Variants in KCNIP4 observed in about 807,000 individuals in gnomAD.
The protein encoded by KCNIP4 is Kv channel-interacting protein 4.
Under a neutral mutation model 34.0 loss-of-function variants are expected in KCNIP4, and 12 were observed. That is an observed-to-expected ratio of 0.35 (90% CI 0.23 to 0.57). The LOEUF (loss-of-function observed/expected upper bound fraction) is 0.57. KCNIP4 is among the 20% of genes least tolerant of loss of function. The pLI is 0.83. For missense variants in KCNIP4, 238 were observed against 311.7 expected, an observed-to-expected ratio of 0.76 and a Z score of 1.78; for synonymous variants, 124 against 102.2, an observed-to-expected ratio of 1.21 and a Z score of -1.29.
At chr4:20,738,320 G>T (rs1056928720) in intron 5 of KCNIP4, among the ~76,000 whole-genome samples, 2 of 152,150 alleles carry the variant, frequency 1.3e-5, no homozygotes, top group African/African-American at 4.8e-5. Context: ...AGGGGAGCTG[G>T]CCACAGGGTC....
intron 3 of KCNIP4, among the ~76,000 whole-genome samples, chr4:20,783,767 A>G (rs965129287): frequency 9.9e-5 from 15 of 152,218 alleles, no homozygotes; most frequent in Non-Finnish European, 1.9e-4. Context: ...AAGGATAAAC[A>G]GGGAATATAA....
chr4:20,797,938 T>G (rs1442176630), intron 3 of KCNIP4, among the ~76,000 whole-genome samples: 3 of 152,004 alleles, frequency 2.0e-5, no homozygotes, highest in Non-Finnish European at 4.4e-5. Flanking sequence ...GTGCTGGACT[T>G]GACCTACACA....
intron 3 of KCNIP4, among the ~76,000 whole-genome samples, chr4:20,760,680 C>T (rs1387599469): frequency 1.3e-5 from 2 of 152,102 alleles, no homozygotes; most frequent in African/African-American, 4.8e-5. Flanking sequence ...TGCTGAGTGG[C>T]AAAGCACTTT....
intron 3 of KCNIP4, among the ~76,000 whole-genome samples, chr4:20,819,762 C>T (rs1462433279): frequency 1.3e-5 from 2 of 152,188 alleles, no homozygotes; most frequent in Non-Finnish European, 2.9e-5. Context: ...CTAGGACCTT[C>T]AGCTCTTCCA....
chr4:21,179,442 T>A (rs1754681049), intron 1 of KCNIP4, among the ~76,000 whole-genome samples: 1 of 152,206 alleles, frequency 6.6e-6, no homozygotes, highest in Admixed American at 6.5e-5. Context: ...GGAAATATAG[T>A]AGGAAGCATT....
chr4:21,484,365 T>G (rs1390990070), intron 1 of KCNIP4, among the ~76,000 whole-genome samples: 1 of 151,996 alleles, frequency 6.6e-6, no homozygotes, highest in East Asian at 1.9e-4. Context: ...AGGTGGAGGT[T>G]GCAGTGAGGC....
At chr4:20,948,452 C>T (rs1732428714) in intron 1 of KCNIP4, among the ~76,000 whole-genome samples, 2 of 152,206 alleles carry the variant, frequency 1.3e-5, no homozygotes, top group Admixed American at 1.3e-4. Flanking sequence ...TTCCAGCCAG[C>T]TTTGAGGGGG....
chr4:21,506,452 G>A (rs1733853385), intron 1 of KCNIP4, among the ~76,000 whole-genome samples: 1 of 152,176 alleles, frequency 6.6e-6, no homozygotes, highest in Non-Finnish European at 1.5e-5. Flanking sequence ...ATGGCACCTA[G>A]TGGATTCTCA....
intron 1 of KCNIP4, among the ~76,000 whole-genome samples, chr4:20,961,441 G>C (rs1265725405): frequency 6.6e-6 from 1 of 152,070 alleles, no homozygotes; most frequent in Non-Finnish European, 1.5e-5. Flanking sequence ...CTGATCTCTT[G>C]CGAAGAATGA....
intron 1 of KCNIP4, among the ~76,000 whole-genome samples, chr4:20,973,751 T>C (rs908919041): frequency 6.6e-5 from 10 of 152,144 alleles, no homozygotes; most frequent in African/African-American, 2.4e-4. Flanking sequence ...AATTTCATTA[T>C]TGTTGTGTTT....
At chr4:21,279,102 T>C (rs1279927047) in intron 1 of KCNIP4, among the ~76,000 whole-genome samples, 4 of 152,158 alleles carry the variant, frequency 2.6e-5, no homozygotes, top group South Asian at 2.1e-4. Context: ...ACAGATGTAT[T>C]ATGAAAGCTT....
At chr4:21,366,665 A>G (rs1719796913) in intron 1 of KCNIP4, among the ~76,000 whole-genome samples, 1 of 152,156 alleles carries the variant, frequency 6.6e-6, no homozygotes, top group African/African-American at 2.4e-5. Flanking sequence ...TAGCTGTAAG[A>G]CTAGGGATGA....
At chr4:21,271,727 T>C (rs1054424153) in intron 1 of KCNIP4, among the ~76,000 whole-genome samples, 29 of 152,026 alleles carry the variant, frequency 1.9e-4, no homozygotes, top group African/African-American at 5.8e-4. Context: ...CTTCCGTAAA[T>C]AATGCAGTGT....
intron 1 of KCNIP4, among the ~76,000 whole-genome samples, chr4:20,984,694 T>G (rs1736417921): frequency 6.6e-6 from 1 of 152,178 alleles, no homozygotes; most frequent in Admixed American, 6.5e-5. Flanking sequence ...ATTTAGTCCT[T>G]ATATTATATT....
At chr4:21,291,866 AAAAAGAAAGAAAGAAAGAAAG>A (rs1333835573) in intron 1 of KCNIP4, among the ~76,000 whole-genome samples, 1,565 of 61,908 alleles carry the variant, frequency 0.025, 121 homozygotes, top group South Asian at 0.036. Context: ...AAAAAAAAAA[AAAAAGAAAGAAAGAAAGAAAG>A]AAAGAAAGAA....
chr4:21,296,305 G>A (rs1280129075), intron 1 of KCNIP4, among the ~76,000 whole-genome samples: 1 of 151,762 alleles, frequency 6.6e-6, no homozygotes, highest in East Asian at 1.9e-4. Context: ...AGCAGTGTTT[G>A]GTTTTGAGTG....
intron 1 of KCNIP4, among the ~76,000 whole-genome samples, chr4:20,995,394 ACT>A (rs931203919): frequency 5.9e-4 from 90 of 152,250 alleles, no homozygotes; most frequent in African/African-American, 2.1e-3. Context: ...CAAAGCAAAC[ACT>A]CTGTTTCTAA....
At chr4:21,360,105 T>C (rs1275844747) in intron 1 of KCNIP4, among the ~76,000 whole-genome samples, 1 of 152,098 alleles carries the variant, frequency 6.6e-6, no homozygotes, top group Non-Finnish European at 1.5e-5. Context: ...AAATTTAAAC[T>C]GTTGTTTCAG....
intron 1 of KCNIP4, among the ~76,000 whole-genome samples, chr4:21,943,034 C>A (rs1054161833): frequency 6.6e-6 from 1 of 152,192 alleles, no homozygotes; most frequent in Non-Finnish European, 1.5e-5. Flanking sequence ...GCTGAGATTA[C>A]AAGTGTGAGC....
Sources: allele counts gnomAD v4.1 joint callset (sites outside exome capture counted in the v4.1 genomes callset), GRCh38; gene constraint gnomAD v4.1.1; transcripts MANE v1.5; gene names NCBI Gene and HGNC (gene_info 2026-07-23, HGNC 2026-07-21).